Variants in RNF216 observed in about 807,000 individuals in gnomAD.
The protein encoded by RNF216 is E3 ubiquitin-protein ligase RNF216.
In RNF216, 72 loss-of-function variants were observed where a neutral mutation model predicts 110.8. The ratio of observed to expected loss-of-function variants is 0.65; its 90% CI spans 0.54 to 0.79. The LOEUF is 0.79. RNF216 is among the 30% of genes least tolerant of loss of function. The pLI, the probability that RNF216 is intolerant of heterozygous loss-of-function variation, is 0.00. For missense variants in RNF216, 1,342 were observed against 1,141.2 expected, an observed-to-expected ratio of 1.18 and a Z score of -2.54; for synonymous variants, 495 against 407.5, an observed-to-expected ratio of 1.21 and a Z score of -2.59.
intron 5 of RNF216, among the ~76,000 whole-genome samples, chr7:5,738,301 C>T (rs1794552594): frequency 6.6e-6 from 1 of 152,096 alleles, no homozygotes. Context: ...ACACAGCTCA[C>T]TGCAGCCTTG....
At chr7:5,695,807 G>A (rs1273947895) in intron 13 of RNF216, among the ~76,000 whole-genome samples, 3 of 152,146 alleles carry the variant, frequency 2.0e-5, no homozygotes, top group Admixed American at 6.5e-5. Flanking sequence ...GCCTGTAAAC[G>A]GATGTGTTTA....
intron 1 of RNF216, among the ~76,000 whole-genome samples, chr7:5,773,921 C>A (rs937196702): frequency 6.6e-6 from 1 of 152,146 alleles, no homozygotes; most frequent in Non-Finnish European, 1.5e-5. Flanking sequence ...CAATTTTACA[C>A]TGAAAATCAA....
chr7:5,705,799 C>T (rs1159895753), intron 13 of RNF216, among the ~76,000 whole-genome samples: 3 of 151,790 alleles, frequency 2.0e-5, no homozygotes, highest in African/African-American at 4.8e-5. Context: ...CACAGCTACT[C>T]GGGAGGCTGG....
intron 13 of RNF216, among the ~76,000 whole-genome samples, chr7:5,710,620 T>A (rs1340076537): frequency 6.6e-6 from 1 of 152,236 alleles, no homozygotes; most frequent in Non-Finnish European, 1.5e-5. Context: ...CTCAGGACAG[T>A]GTGCTGCATG....
In RNF216 at chr7:5,641,600, T is replaced by C. The variant is rs112664756; in HGVS notation, c.2160-224A>G. 2.2e-3 allele frequency among the ~76,000 whole-genome samples: 330 copies of C among 152,312 alleles called. 6 individuals are homozygous for C. Among genetic ancestry groups the C allele is most frequent in the Middle Eastern group, 0.01 (3 of 294 alleles). On this transcript the variant is annotated intron_variant, in intron 14 of 16. Coordinates refer to ENST00000389902, the MANE Select transcript of RNF216 (RefSeq NM_207111.4). Reference sequence around the variant, plus strand: ...CCTGCCTGGAGACTCAGTTTCCTCATTTTTAAACTGTGAAAACACAACTTT... The same window carrying C: ...CCTGCCTGGAGACTCAGTTTCCTCACTTTTAAACTGTGAAAACACAACTTT...
At chr7:5,665,798 G>A (rs556783995) in intron 13 of RNF216, among the ~76,000 whole-genome samples, 3 of 152,082 alleles carry the variant, frequency 2.0e-5, no homozygotes, top group South Asian at 4.2e-4. Flanking sequence ...CTCTCGAATG[G>A]CTGTTTAACA....
chr7:5,641,903 C>T (rs1306193616), intron 14 of RNF216, among the ~76,000 whole-genome samples: 1 of 151,742 alleles, frequency 6.6e-6, no homozygotes, highest in Non-Finnish European at 1.5e-5. Context: ...CGTGGTAGTG[C>T]ACACCTGTAA....
In RNF216 at chr7:5,716,768, T is replaced by C; in HGVS notation, c.1645-2A>G. On this transcript the variant is annotated splice_acceptor_variant, in intron 9 of 16. Coordinates refer to ENST00000389902, the MANE Select transcript of RNF216 (RefSeq NM_207111.4). LOFTEE classifies it high-confidence loss of function. ...TAGGGCAAGCAAAAAGTCTTCATGC[T>C]GAAGAACAAAAAAGGCACACATTCA... 1 of 1,604,430 alleles carries C rather than the reference T, an allele frequency of 6.2e-7. No homozygotes were observed. The highest frequency in any genetic ancestry group is 8.5e-7 in the Non-Finnish European group (1 of 1,175,102).
intron 13 of RNF216, among the ~76,000 whole-genome samples, chr7:5,669,541 T>C (rs1337741799): frequency 6.6e-6 from 1 of 152,222 alleles, no homozygotes; most frequent in Non-Finnish European, 1.5e-5. Flanking sequence ...GGTCTGTTCA[T>C]GCTTCTAAAT....
chr7:5,649,360 G>A (rs1002060363), intron 14 of RNF216, among the ~76,000 whole-genome samples: 3 of 149,244 alleles, frequency 2.0e-5, no homozygotes, highest in Non-Finnish European at 4.4e-5. Context: ...TAACCTAGGT[G>A]ACAGACGGAG....
intron 13 of RNF216, among the ~76,000 whole-genome samples, chr7:5,663,487 G>A (rs935117233): frequency 8.6e-5 from 13 of 151,356 alleles, no homozygotes; most frequent in African/African-American, 3.2e-4. Context: ...GGGAGGCTGA[G>A]GCAGGAGAAT....
chr7:5,666,052 G>A (rs908626763), intron 13 of RNF216, among the ~76,000 whole-genome samples: 19 of 151,870 alleles, frequency 1.3e-4, no homozygotes, highest in African/African-American at 4.4e-4. Context: ...TGTAGTCCCA[G>A]CTACTCGGGA....
At chr7:5,665,666 C>T (rs912805411) in intron 13 of RNF216, among the ~76,000 whole-genome samples, 2 of 151,908 alleles carry the variant, frequency 1.3e-5, no homozygotes, top group Non-Finnish European at 2.9e-5. Flanking sequence ...ACCAGGGCTT[C>T]GAGGACAGAG....
At chr7:5,698,363 G>T (rs1333252060) in intron 13 of RNF216, among the ~76,000 whole-genome samples, 1 of 149,144 alleles carries the variant, frequency 6.7e-6, no homozygotes, top group African/African-American at 2.5e-5. Flanking sequence ...GAAGTCCAGT[G>T]AGCTGTCTTA....
At chr7:5,747,415 C>T (rs779731331) in intron 3 of RNF216, among the ~76,000 whole-genome samples, 1 of 152,184 alleles carries the variant, frequency 6.6e-6, no homozygotes, top group Non-Finnish European at 1.5e-5. Context: ...GGATGATATT[C>T]AGGACCTGAC....
At position 5,696,185 on chromosome 7, in the gene RNF216, G is replaced by GC. The variant is rs1791616120; in HGVS notation, c.2061+15575dup. ...GTGGTGACGAAGAGCAGTTGGTACCGCATGGCTTTAAATTGTTTGTATTTC... is the reference window on the plus strand; with the variant it reads ...GTGGTGACGAAGAGCAGTTGGTACCGCCATGGCTTTAAATTGTTTGTATTTC... On this transcript the variant is annotated intron_variant, in intron 13 of 16. Coordinates refer to ENST00000389902, the MANE Select transcript of RNF216 (RefSeq NM_207111.4). This position sits in a 1 kb window ranked among gnomAD's most constrained non-coding sequence, Gnocchi z 5.4. Among the ~76,000 whole-genome samples the GC allele has an allele frequency of 6.6e-6, 1 of 152,192 alleles. No homozygotes were observed. Among genetic ancestry groups the GC allele is most frequent in the Non-Finnish European group, 1.5e-5 (1 of 68,042 alleles).
chr7:5,669,949 T>C (rs1313305667), intron 13 of RNF216, among the ~76,000 whole-genome samples: 1 of 151,484 alleles, frequency 6.6e-6, no homozygotes. Flanking sequence ...TTTTTTGAGA[T>C]GGAGTCTCGC....
chr7:5,738,795 A>C (rs1248495472), intron 5 of RNF216, among the ~76,000 whole-genome samples: 1 of 152,162 alleles, frequency 6.6e-6, no homozygotes, highest in Non-Finnish European at 1.5e-5. Flanking sequence ...CGTAGGGAAG[A>C]AAATGTCTTA....
intron 8 of RNF216, among the ~76,000 whole-genome samples, chr7:5,722,595 T>C (rs35107220): frequency 0.029 from 4,446 of 151,996 alleles, 92 homozygotes; most frequent in South Asian, 0.087. Context: ...TTTCACTGTG[T>C]TAGCCAGGAT....
Sources: gnomAD v4.1 joint callset for allele counts (sites outside exome capture counted in the v4.1 genomes callset) on GRCh38, gnomAD v4.1.1 for gene constraint, Gnocchi (gnomAD v3.1) non-coding constraint, MANE v1.5 for transcripts, NCBI Gene and HGNC (gene_info 2026-07-23, HGNC 2026-07-21) for gene names.